The following TAFA2 variants were observed in gnomAD, a reference collection of about 807,000 sequenced individuals.
The protein encoded by TAFA2 is TAFA chemokine like family member 2.
A neutral mutation model predicts 18.8 loss-of-function variants in TAFA2; 7 were observed. That is an observed-to-expected ratio of 0.37 (90% CI 0.21 to 0.70). The LOEUF is 0.70. TAFA2 is among the 30% of genes least tolerant of loss of function. The pLI, the probability that TAFA2 is intolerant of heterozygous loss-of-function variation, is 0.53. For synonymous variants in TAFA2, 60 were observed against 54.2 expected, an observed-to-expected ratio of 1.11 and a Z score of -0.47; for missense variants, 122 against 158.1, an observed-to-expected ratio of 0.77 and a Z score of 1.23.
chr12:62,007,387 A>C (rs1880589709), intron 1 of TAFA2, among the ~76,000 whole-genome samples: 1 of 152,164 alleles, frequency 6.6e-6, no homozygotes, highest in Non-Finnish European at 1.5e-5. Context: ...TTTTATTTAT[A>C]ATCTGTATCT....
At position 62,057,038 on chromosome 12, in the gene TAFA2, T is replaced by C. The variant is rs555923538; in HGVS notation, c.-2+134221A>G. On this transcript the variant is annotated intron_variant, in intron 1 of 4. Coordinates refer to ENST00000416284, the MANE Select transcript of TAFA2 (RefSeq NM_178539.5). ...CCTCCATTGCTATTCCCTGGAAACCTTTTTGGTGGAATACTGAAATTATTT... is the reference window on the plus strand; with the variant it reads ...CCTCCATTGCTATTCCCTGGAAACCCTTTTGGTGGAATACTGAAATTATTT... 3.9e-5 allele frequency among the ~76,000 whole-genome samples: 6 copies of C among 152,306 alleles called. No individual in the cohort carries two copies. The South Asian group carries it at 1.2e-3, about 32-fold the overall frequency.
chr12:62,162,970 G>C (rs2062415676), intron 1 of TAFA2, among the ~76,000 whole-genome samples: 1 of 151,854 alleles, frequency 6.6e-6, no homozygotes, highest in Non-Finnish European at 1.5e-5. Flanking sequence ...AGGCAGCACT[G>C]CAAATAGAAG....
chr12:61,985,165 A>C (rs1432431011), intron 1 of TAFA2, among the ~76,000 whole-genome samples: 1 of 152,240 alleles, frequency 6.6e-6, no homozygotes, highest in Non-Finnish European at 1.5e-5. Context: ...TAATCCCTGC[A>C]CTGAGAGCTT....
At chr12:62,234,989 T>A in intron 1 of TAFA2, 1 of 664,386 alleles carries the variant, frequency 1.5e-6, no homozygotes. Flanking sequence ...CATCAGAAGG[T>A]ACTGTCGAGA....
rs187039061 is a variant in TAFA2, at chr12:61,787,255, A to C, written c.107-32231T>G. Among the ~76,000 whole-genome samples the C allele has an allele frequency of 1.1e-3, 173 of 151,784 alleles. 2 individuals are homozygous for C. Among genetic ancestry groups the C allele is most frequent in the African/African-American group, 3.9e-3 (162 of 41,514 alleles). On this transcript the variant is annotated intron_variant, in intron 2 of 4. Coordinates refer to ENST00000416284, the MANE Select transcript of TAFA2 (RefSeq NM_178539.5). The stretch of plus-strand genomic sequence containing the variant: ...TGAAAGAGAATAATGCCCTTCCCTG[A>C]CCAGCAAAAGCTGGTCTTCTTCACC...
rs151272443 is a variant in TAFA2, at chr12:62,137,584, G to A, written c.-2+53675C>T. On this transcript the variant is annotated intron_variant, in intron 1 of 4. Transcript: ENST00000416284. ...GTCATCCACTGTGCTTGGAAAACAC[G>A]TTAGAGCTTAGGGCCTTTCTCATGG... Among the ~76,000 whole-genome samples the A allele has an allele frequency of 3.1e-3, 476 of 152,088 alleles. 3 individuals carry two copies. Among genetic ancestry groups the A allele is most frequent in the African/African-American group, 9.9e-3 (412 of 41,496 alleles).
At chr12:61,880,033 C>T (rs1875048734) in intron 1 of TAFA2, 4 of 720,720 alleles carry the variant, frequency 5.6e-6, no homozygotes, top group Middle Eastern at 3.8e-4. Flanking sequence ...AGCTGCAGTC[C>T]CTGATCTCGG....
intron 1 of TAFA2, among the ~76,000 whole-genome samples, chr12:62,227,088 T>C (rs1273093053): frequency 6.6e-6 from 1 of 152,258 alleles, no homozygotes; most frequent in Non-Finnish European, 1.5e-5. Context: ...AAGGTCTTCA[T>C]AATCCATTCC....
At chr12:61,720,656 AC>A (rs1869853172) in intron 4 of TAFA2, 1 of 272,554 alleles carries the variant, frequency 3.7e-6, no homozygotes, top group Non-Finnish European at 7.3e-6. Flanking sequence ...AGAATAGGTC[AC>A]AGTTAATCCT....
At chr12:61,755,334 A>G (rs112364702) in intron 2 of TAFA2, among the ~76,000 whole-genome samples, 2,747 of 152,238 alleles carry the variant, frequency 0.018, 78 homozygotes, top group African/African-American at 0.062. Context: ...ATGACTTTTT[A>G]ATGCCTTTTT....
At chr12:61,999,738 T>G (rs1386562397) in intron 1 of TAFA2, among the ~76,000 whole-genome samples, 1 of 152,238 alleles carries the variant, frequency 6.6e-6, no homozygotes, top group Non-Finnish European at 1.5e-5. Context: ...TTTAGCACAG[T>G]GTCTGGCACA....
intron 1 of TAFA2, among the ~76,000 whole-genome samples, chr12:62,048,818 C>T (rs1881976103): frequency 6.6e-6 from 1 of 152,086 alleles, no homozygotes; most frequent in Admixed American, 6.6e-5. Context: ...TACTGCATAG[C>T]AAATGACAGC....
intron 1 of TAFA2, among the ~76,000 whole-genome samples, chr12:62,154,645 A>G (rs1372399412): frequency 6.6e-6 from 1 of 151,130 alleles, no homozygotes; most frequent in Non-Finnish European, 1.5e-5. Context: ...TGAATGCACT[A>G]AGTGTTATAC....
At chr12:61,963,254 G>A (rs1384183598) in intron 1 of TAFA2, among the ~76,000 whole-genome samples, 1 of 151,954 alleles carries the variant, frequency 6.6e-6, no homozygotes, top group Non-Finnish European at 1.5e-5. Flanking sequence ...TAGGATTGCT[G>A]GGTCAACCAG....
At chr12:62,016,156 T>C (rs1351879517) in intron 1 of TAFA2, among the ~76,000 whole-genome samples, 1 of 152,218 alleles carries the variant, frequency 6.6e-6, no homozygotes, top group Non-Finnish European at 1.5e-5. Flanking sequence ...TGTACAGAAC[T>C]CTGGGTCCTC....
chr12:62,102,661 A>C (rs1869262154), intron 1 of TAFA2, among the ~76,000 whole-genome samples: 1 of 152,000 alleles, frequency 6.6e-6, no homozygotes, highest in Non-Finnish European at 1.5e-5. Context: ...TTTATAGAGA[A>C]CTCCAGAGCT....
chr12:61,872,038 G>C (rs1378498333), intron 1 of TAFA2, among the ~76,000 whole-genome samples: 1 of 151,282 alleles, frequency 6.6e-6, no homozygotes, highest in African/African-American at 2.4e-5. Flanking sequence ...CTTGCAGTGA[G>C]CTCATACTGC....
chr12:61,888,493 G>A (rs1875488051), intron 1 of TAFA2, among the ~76,000 whole-genome samples: 1 of 152,108 alleles, frequency 6.6e-6, no homozygotes, highest in Non-Finnish European at 1.5e-5. Flanking sequence ...CCAGAAGGAA[G>A]CAATCACAGC....
At chr12:61,815,432 C>T (rs904458566) in intron 2 of TAFA2, among the ~76,000 whole-genome samples, 7 of 151,008 alleles carry the variant, frequency 4.6e-5, no homozygotes, top group East Asian at 1.9e-4. Flanking sequence ...TTTGGGAGGC[C>T]GAGCTGGGCG....
Sources: allele counts gnomAD v4.1 joint callset (sites outside exome capture counted in the v4.1 genomes callset), GRCh38; gene constraint gnomAD v4.1.1; transcripts MANE v1.5; gene names NCBI Gene and HGNC (gene_info 2026-07-23, HGNC 2026-07-21).